The following KCNQ3 variants were observed in gnomAD, a reference collection of about 807,000 sequenced individuals.
KCNQ3 encodes potassium voltage-gated channel subfamily Q member 3.
In KCNQ3, 30 loss-of-function variants were observed where a neutral mutation model predicts 92.5. The ratio of observed to expected loss-of-function variants is 0.32; its 90% CI spans 0.24 to 0.44. The LOEUF is 0.44. Among genes scored for constraint, KCNQ3 ranks in the 20% least tolerant of loss-of-function variants. The pLI is 1.00. For missense variants in KCNQ3, 913 were observed against 1,140.3 expected (o/e 0.80, Z 2.87); for synonymous variants, 450 against 468.8 (o/e 0.96, Z 0.52).
At chr8:132,352,493 C>T (rs1253019643) in intron 1 of KCNQ3, among the ~76,000 whole-genome samples, 4 of 152,230 alleles carry the variant, frequency 2.6e-5, no homozygotes, top group East Asian at 3.9e-4. Flanking sequence ...GAGCAGGACT[C>T]GCTTAGGAAA....
At chr8:132,478,321 G>A (rs72723133) in intron 1 of KCNQ3, among the ~76,000 whole-genome samples, 1 of 152,180 alleles carries the variant, frequency 6.6e-6, no homozygotes, top group Non-Finnish European at 1.5e-5. Flanking sequence ...GGTGGGAAGA[G>A]AAGAAAGAGG....
intron 1 of KCNQ3, among the ~76,000 whole-genome samples, chr8:132,376,086 C>A (rs1302456962): frequency 6.6e-6 from 1 of 152,164 alleles, no homozygotes; most frequent in Non-Finnish European, 1.5e-5. Flanking sequence ...TCTAATTGAA[C>A]TTGCCTAGCA....
At chr8:132,383,572 G>C (rs1021397277) in intron 1 of KCNQ3, among the ~76,000 whole-genome samples, 3 of 152,166 alleles carry the variant, frequency 2.0e-5, no homozygotes, top group Non-Finnish European at 4.4e-5. Context: ...ACAGACCTAG[G>C]CTGAGCCCCA....
At position 132,127,908 on chromosome 8, in the gene KCNQ3, A is replaced by T. The variant is rs1277022755; in HGVS notation, c.*1354T>A. ...ACATATGGTTTTAGTATTTTCATTT[A>T]AAAAATCTGGGTTGGTTCCATAAAT... On this transcript the variant is annotated 3_prime_UTR_variant, in exon 15 of 15. Coordinates refer to ENST00000388996, the MANE Select transcript of KCNQ3 (RefSeq NM_004519.4). 4 of 152,210 alleles carry T rather than the reference A, an allele frequency of 2.6e-5. No homozygotes were observed. The highest frequency in any genetic ancestry group is 4.4e-5 in the Non-Finnish European group (3 of 68,046). The allele number at this position is 152,210 out of a possible 1,614,324, so 9.4% of individuals were successfully genotyped here. A position where few individuals can be genotyped will look rare whatever the true frequency, so the allele number is the denominator to read the frequency against.
At chr8:132,367,613 T>C (rs1042034128) in intron 1 of KCNQ3, among the ~76,000 whole-genome samples, 4 of 152,242 alleles carry the variant, frequency 2.6e-5, no homozygotes, top group Non-Finnish European at 4.4e-5. Flanking sequence ...CAACCTCTAG[T>C]GCCTGCCACC....
At chr8:132,187,717 G>GTAGTGA (rs1827019238) in intron 1 of KCNQ3, among the ~76,000 whole-genome samples, 1 of 151,126 alleles carries the variant, frequency 6.6e-6, no homozygotes, top group Non-Finnish European at 1.5e-5. Flanking sequence ...GGTGGTGGTG[G>GTAGTGA]TGATGGTGGT....
intron 9 of KCNQ3, among the ~76,000 whole-genome samples, chr8:132,152,007 G>A (rs754495698): frequency 1.3e-5 from 2 of 152,214 alleles, no homozygotes; most frequent in Non-Finnish European, 2.9e-5. Flanking sequence ...TGGATACCAT[G>A]AGATAATCAA....
At chr8:132,252,714 T>C (rs1815454624) in intron 1 of KCNQ3, among the ~76,000 whole-genome samples, 1 of 152,280 alleles carries the variant, frequency 6.6e-6, no homozygotes, top group Non-Finnish European at 1.5e-5. Context: ...TGCTGATTGG[T>C]GCATTTTTAC....
At chr8:132,158,030 A>G (rs1825862382) in intron 9 of KCNQ3, among the ~76,000 whole-genome samples, 1 of 152,150 alleles carries the variant, frequency 6.6e-6, no homozygotes, top group Non-Finnish European at 1.5e-5. Flanking sequence ...CATTATCCCA[A>G]GAGGAAAACT....
chr8:132,174,416 G>T, intron 5 of KCNQ3, 67 bp from the exon 6 acceptor site: 1 of 1,206,588 alleles, frequency 8.3e-7, no homozygotes, highest in Non-Finnish European at 1.2e-6. Flanking sequence ...TGTTAACTGA[G>T]CTCTACCTGT....
At chr8:132,446,807 A>C (rs1321733979) in intron 1 of KCNQ3, among the ~76,000 whole-genome samples, 1 of 152,184 alleles carries the variant, frequency 6.6e-6, no homozygotes, top group African/African-American at 2.4e-5. Flanking sequence ...GGACAAAACT[A>C]CCAAAGGCTT....
chr8:132,413,005 A>G (rs1349432888), intron 1 of KCNQ3, among the ~76,000 whole-genome samples: 1 of 152,208 alleles, frequency 6.6e-6, no homozygotes, highest in East Asian at 1.9e-4. Context: ...TGGAGTACAC[A>G]CTAGGCTCTC....
chr8:132,291,877 G>C (rs1168133544), intron 1 of KCNQ3, among the ~76,000 whole-genome samples: 1 of 152,116 alleles, frequency 6.6e-6, no homozygotes. Flanking sequence ...AGATTACTTG[G>C]CCTCCATAAG....
intron 1 of KCNQ3, among the ~76,000 whole-genome samples, chr8:132,459,081 T>C (rs1370202806): frequency 6.6e-6 from 1 of 152,226 alleles, no homozygotes; most frequent in Non-Finnish European, 1.5e-5. Context: ...TGAAGAATAC[T>C]GGTCAGGTAT....
chr8:132,138,995 G>A (rs747736900), intron 11 of KCNQ3, among the ~76,000 whole-genome samples: 2 of 152,154 alleles, frequency 1.3e-5, no homozygotes, highest in Non-Finnish European at 2.9e-5. Context: ...GCCTGATTTT[G>A]ATAGTAAGGT....
intron 1 of KCNQ3, among the ~76,000 whole-genome samples, chr8:132,387,789 C>G (rs879439773): frequency 1.3e-5 from 2 of 152,038 alleles, no homozygotes; most frequent in Non-Finnish European, 2.9e-5. Flanking sequence ...TCTCTTGAGT[C>G]CAGGAGTCTG....
At chr8:132,174,533 ATAAGT>A (rs1192426325) in intron 5 of KCNQ3, among the ~76,000 whole-genome samples, 184 bp from the exon 6 acceptor site, 1 of 152,222 alleles carries the variant, frequency 6.6e-6, no homozygotes, top group Non-Finnish European at 1.5e-5. Context: ...AGACTTGTTG[ATAAGT>A]TAAGGGTTTC....
intron 1 of KCNQ3, among the ~76,000 whole-genome samples, chr8:132,440,264 A>G (rs1301641105): frequency 1.3e-5 from 2 of 152,138 alleles, no homozygotes; most frequent in Admixed American, 6.5e-5. Flanking sequence ...GCTCAAAGTC[A>G]TCTTAACAGA....
At chr8:132,429,453 T>C (rs1256183033) in intron 1 of KCNQ3, among the ~76,000 whole-genome samples, 1 of 152,222 alleles carries the variant, frequency 6.6e-6, no homozygotes, top group Non-Finnish European at 1.5e-5. Context: ...ATTCATCCAC[T>C]CTGAGATTCC....
Sources: allele counts gnomAD v4.1 joint callset (sites outside exome capture counted in the v4.1 genomes callset), GRCh38; gene constraint gnomAD v4.1.1; transcripts MANE v1.5; gene names NCBI Gene and HGNC (gene_info 2026-07-23, HGNC 2026-07-21).